The following KRT8 variants were observed in gnomAD, a reference collection of about 807,000 sequenced individuals.
KRT8 encodes keratin 8.
In KRT8, 24 loss-of-function variants were observed where a neutral mutation model predicts 43.0. The observed-to-expected ratio is 0.56, with a 90% CI of 0.40 to 0.78. KRT8 has a LOEUF of 0.78. Among genes scored for constraint, KRT8 ranks in the 30% least tolerant of loss-of-function variants. The probability of loss-of-function intolerance (pLI) is 0.00; values close to 1 mark genes in which losing one functional copy is unlikely to be tolerated. For synonymous variants in KRT8, 214 were observed against 261.2 expected (o/e 0.82, Z 1.74); for missense variants, 492 against 638.4 (o/e 0.77, Z 2.47).
chr12:52,911,861 C>CA (rs1342752420), upstream of KRT8, among the ~76,000 whole-genome samples: 2 of 151,858 alleles, frequency 1.3e-5, no homozygotes, highest in African/African-American at 4.8e-5. Flanking sequence ...CCATCTCTAC[C>CA]AAAAAACAAA....
At position 52,948,625 on chromosome 12, in the gene KRT8, G is replaced by A. The variant is rs553080973; in HGVS notation, c.-47+831C>T. On this transcript the variant is annotated intron_variant, in intron 2 of 6. Transcript: ENST00000546826. ...CCCTTCCTCAGCCTCCCAAGTAGCT[G>A]AGACTACAGGCGTGCACCATCACGT... 6 of 293,384 alleles carry A rather than the reference G, an allele frequency of 2.0e-5. No individual in the cohort carries two copies. In the South Asian group the frequency reaches 1.0e-3, roughly 49 times the overall value. 18.2% of individuals were successfully genotyped at this position (293,384 alleles called of 1,614,324 possible). A position where few individuals can be genotyped will look rare whatever the true frequency, so the allele number is the denominator to read the frequency against.
chr12:52,923,392 G>A (rs1362812409), intron 2 of KRT8, among the ~76,000 whole-genome samples: 2 of 152,050 alleles, frequency 1.3e-5, no homozygotes, highest in African/African-American at 4.8e-5. Context: ...TGAAGGGGCA[G>A]GACCATTTAT....
At chr12:52,901,565 AG>A (rs1201306232) in intron 2 of KRT8, 3 of 565,074 alleles carry the variant, frequency 5.3e-6, no homozygotes, top group Non-Finnish European at 9.5e-6. Flanking sequence ...TAAGTACAAA[AG>A]TGAGGCCCAC....
intron 2 of KRT8, among the ~76,000 whole-genome samples, chr12:52,921,875 A>G (rs11829997): frequency 0.057 from 8,724 of 152,168 alleles, 353 homozygotes; most frequent in Non-Finnish European, 0.084. Context: ...GATTAAAAGC[A>G]ATGTGCACTG....
In KRT8 at chr12:52,898,449, TG is replaced by T. The variant is rs267607664; in HGVS notation, c.1261+11del. 49,909 of 1,612,462 alleles carry T rather than the reference TG, an allele frequency of 0.031. 1,009 individuals carry two copies. Among genetic ancestry groups the T allele is most frequent in the Admixed American group, 0.081 (4,835 of 59,822 alleles). ...GCCTCCCGCCCTCATCCCAGGGCCC[TG>T]GGACACCCACCTGCATAGCCGCTGG... is the stretch of plus-strand genomic sequence containing the variant. On this transcript the variant is annotated intron_variant, in intron 7 of 7. Transcript: ENST00000692008.
At chr12:52,918,171 AGAGGAAGAG>A (rs1301320708) in intron 2 of KRT8, among the ~76,000 whole-genome samples, 21 of 127,346 alleles carry the variant, frequency 1.6e-4, no homozygotes, top group Middle Eastern at 3.8e-3. Flanking sequence ...AAGAAGAAGA[AGAGGAAGAG>A]GAAGAAGAAG....
chr12:52,901,225 AG>A lies in KRT8; in HGVS notation c.534-7del. The A allele has an allele frequency of 6.2e-7, 1 of 1,607,480 alleles. No homozygotes were observed. Among genetic ancestry groups the A allele is most frequent in the Non-Finnish European group, 8.5e-7 (1 of 1,175,142 alleles). On this transcript the variant is annotated splice_region_variant and splice_polypyrimidine_tract_variant and intron_variant, in intron 2 of 7. Transcript: ENST00000692008. ...TATTGATCTCATCCTCATACCTGTGAGGAAAAGACTTACAATTAGAGGATGA... is the reference window on the plus strand; with the variant it reads ...TATTGATCTCATCCTCATACCTGTGAGAAAAGACTTACAATTAGAGGATGA...
rs267607663 is a variant in KRT8 at position 52,897,390 on chromosome 12, C to T, written c.*38G>A. 310 of 1,560,396 alleles carry T rather than the reference C, an allele frequency of 2.0e-4. 1 individual carries two copies. The African/African-American group carries it at 3.9e-3, about 20-fold the overall frequency. On this transcript the variant is annotated 3_prime_UTR_variant, in exon 8 of 8. Transcript: ENST00000692008. ...GCCTCCTTCCCAGGCTCTGGGGCAG[C>T]GCAGGAGGGGTAGGCTGGGAGGGGC...
intron 2 of KRT8, among the ~76,000 whole-genome samples, chr12:52,913,354 G>A (rs1052610024): frequency 6.6e-6 from 1 of 152,216 alleles, no homozygotes; most frequent in African/African-American, 2.4e-5. Context: ...GGTATTCCCC[G>A]CTTCACCACC....
intron 2 of KRT8, chr12:52,949,222 G>A: frequency 1.2e-6 from 2 of 1,611,706 alleles, no homozygotes; most frequent in South Asian, 2.2e-5. Flanking sequence ...CCGGTCCCTG[G>A]GCTCTGTCCA....
intron 2 of KRT8, among the ~76,000 whole-genome samples, chr12:52,927,118 A>G (rs781494646): frequency 1.9e-4 from 29 of 152,184 alleles, no homozygotes; most frequent in African/African-American, 2.4e-5. Context: ...TGTTTCATGG[A>G]TACCAGAGAT....
upstream of KRT8, chr12:52,906,792 G>A (rs947671146): frequency 2.2e-6 from 1 of 455,626 alleles, no homozygotes; most frequent in African/African-American, 2.0e-5. Context: ...CAGGGAAGGG[G>A]GTGACCACCT....
chr12:52,911,872 CA>C (rs1030516916), upstream of KRT8, among the ~76,000 whole-genome samples: 3 of 151,914 alleles, frequency 2.0e-5, no homozygotes, highest in African/African-American at 7.3e-5. Context: ...AAAAAACAAA[CA>C]AAAAAATTAG....
At chr12:52,907,971 A>G (rs573235578), upstream of KRT8, among the ~76,000 whole-genome samples, 1 of 152,344 alleles carries the variant, frequency 6.6e-6, no homozygotes, top group East Asian at 1.9e-4. Flanking sequence ...AAAGGGAACA[A>G]CGTGTTTGCG....
In KRT8 at chr12:52,938,136, C is replaced by CTATATA. The variant is rs1161700326; in HGVS notation, c.-47+11314_-47+11319dup. Among the ~76,000 whole-genome samples, 424 of 43,878 alleles carry CTATATA rather than the reference C, an allele frequency of 9.7e-3. 21 individuals carry two copies. Among genetic ancestry groups the CTATATA allele is most frequent in the Admixed American group, 0.028 (89 of 3,162 alleles). The allele number at this position is 43,878 out of a possible 152,430, so 28.8% of individuals were successfully genotyped here. A position where few individuals can be genotyped will look rare whatever the true frequency, so the allele number is the denominator to read the frequency against. On this transcript the variant is annotated intron_variant, in intron 2 of 6. Transcript: ENST00000546826. ...ATACCATTACACACCCACTAGAAAG[C>CTATATA]TATATATATATATATATATATATAT...
chr12:52,901,838 T>C (rs768156227), intron 2 of KRT8, 26 bp downstream of exon 2: 7 of 1,540,236 alleles, frequency 4.5e-6, no homozygotes, highest in South Asian at 1.1e-5. Flanking sequence ...GTGACTTCAG[T>C]TGGGTGGAGG....
chr12:52,923,848 T>C (rs908456891), intron 2 of KRT8, among the ~76,000 whole-genome samples: 5 of 152,040 alleles, frequency 3.3e-5, no homozygotes, highest in African/African-American at 1.2e-4. Context: ...AGAAAAGCAT[T>C]ATATATTTTT....
At chr12:52,899,228 T>C (rs1229964381) in intron 5 of KRT8, among the ~76,000 whole-genome samples, 1 of 152,002 alleles carries the variant, frequency 6.6e-6, no homozygotes, top group East Asian at 1.9e-4. Context: ...GTCAGGAGAA[T>C]AGTGTGAACC....
At chr12:52,907,012 A>C (rs3814773), upstream of KRT8, 7,475 of 259,258 alleles carry the variant, frequency 0.029, 131 homozygotes, top group Admixed American at 0.059. Context: ...ACACACACAC[A>C]CCCCACACAT....
Sources: gnomAD v4.1 joint callset for allele counts (sites outside exome capture counted in the v4.1 genomes callset) on GRCh38, gnomAD v4.1.1 for gene constraint, MANE v1.5 for transcripts, NCBI Gene and HGNC (gene_info 2026-07-23, HGNC 2026-07-21) for gene names.